Variants in DLG1 observed in about 807,000 individuals in gnomAD.
DLG1 encodes discs large MAGUK scaffold protein 1, also known as disks large homolog 1.
DLG1 carries 42 observed loss-of-function variants against 123.4 expected under a neutral mutation model. The ratio of observed to expected loss-of-function variants is 0.34; its 90% CI spans 0.27 to 0.44. DLG1 has a LOEUF of 0.44. Among genes scored for constraint, DLG1 ranks in the 20% least tolerant of loss-of-function variants. The pLI, the probability that DLG1 is intolerant of heterozygous loss-of-function variation, is 1.00. For missense variants in DLG1, 942 were observed against 1,082.6 expected, an observed-to-expected ratio of 0.87 and a Z score of 1.82; for synonymous variants, 317 against 356.2, an observed-to-expected ratio of 0.89 and a Z score of 1.24.
At chr3:197,191,335 T>C (rs922162687) in intron 5 of DLG1, among the ~76,000 whole-genome samples, 6 of 152,214 alleles carry the variant, frequency 3.9e-5, no homozygotes, top group African/African-American at 9.7e-5. Flanking sequence ...GTCTGGAACA[T>C]TGTTTTATCT....
intron 5 of DLG1, chr3:197,183,906 C>T (rs1714151770): frequency 6.8e-7 from 1 of 1,469,766 alleles, no homozygotes; most frequent in Non-Finnish European, 9.0e-7. Flanking sequence ...ATTACAGCAG[C>T]ATCACTTGTA....
At chr3:197,080,267 CTTTTTTT>C (rs767056279) in intron 17 of DLG1, among the ~76,000 whole-genome samples, 279 of 51,888 alleles carry the variant, frequency 5.4e-3, no homozygotes, top group South Asian at 0.02. Flanking sequence ...GATATATTTC[CTTTTTTT>C]TTTTTTTTTT....
intron 5 of DLG1, among the ~76,000 whole-genome samples, chr3:197,182,686 A>G (rs150036527): frequency 8.0e-6 from 1 of 124,930 alleles, no homozygotes; most frequent in African/African-American, 3.1e-5. Context: ...TCAGAGGACA[A>G]ATGCATTCTC....
intron 5 of DLG1, among the ~76,000 whole-genome samples, chr3:197,163,874 G>A (rs1431268829): frequency 1.3e-5 from 2 of 151,720 alleles, no homozygotes; most frequent in East Asian, 3.9e-4. Context: ...GAAGATGGAT[G>A]AGCCTTTAAA....
At chr3:197,169,499 C>A (rs1213374029) in intron 5 of DLG1, among the ~76,000 whole-genome samples, 2 of 152,110 alleles carry the variant, frequency 1.3e-5, no homozygotes, top group African/African-American at 2.4e-5. Flanking sequence ...TATTAACACT[C>A]ACAATAGCCA....
chr3:197,274,874 C>T (rs777602972), intron 4 of DLG1, among the ~76,000 whole-genome samples: 5 of 152,056 alleles, frequency 3.3e-5, no homozygotes, highest in East Asian at 1.9e-4. Flanking sequence ...ACTAATAATA[C>T]TCAGGGAAAT....
intron 23 of DLG1, among the ~76,000 whole-genome samples, chr3:197,058,109 G>A (rs1489551502): frequency 6.6e-6 from 1 of 151,864 alleles, no homozygotes; most frequent in Non-Finnish European, 1.5e-5. Flanking sequence ...ATCCCAAGTA[G>A]CTGAGACCAC....
intron 5 of DLG1, among the ~76,000 whole-genome samples, chr3:197,181,986 G>A (rs546645139): frequency 6.6e-6 from 1 of 152,222 alleles, no homozygotes; most frequent in South Asian, 2.1e-4. Context: ...CGGCTATAAC[G>A]TAACTCTGTG....
intron 3 of DLG1, among the ~76,000 whole-genome samples, chr3:197,291,173 A>G (rs1400621284): frequency 2.0e-5 from 3 of 152,118 alleles, no homozygotes; most frequent in Non-Finnish European, 4.4e-5. Flanking sequence ...AACTATGAGC[A>G]AAGAACTCAA....
At chr3:197,121,823 C>CAAAAAA (rs71161995) in intron 11 of DLG1, among the ~76,000 whole-genome samples, 26 of 101,890 alleles carry the variant, frequency 2.6e-4, no homozygotes, top group South Asian at 3.1e-4. Context: ...ACAATCACCA[C>CAAAAAA]AAAAAAAAAA....
chr3:197,168,097 C>T (rs149289046), intron 5 of DLG1, among the ~76,000 whole-genome samples: 2 of 152,308 alleles, frequency 1.3e-5, no homozygotes, highest in African/African-American at 4.8e-5. Context: ...ACCATGAATC[C>T]TTTAATGTTA....
chr3:197,130,153 G>A (rs1781769983), intron 11 of DLG1, among the ~76,000 whole-genome samples: 1 of 152,110 alleles, frequency 6.6e-6, no homozygotes, highest in African/African-American at 2.4e-5. Flanking sequence ...AATGAGGTAT[G>A]CCTGTACTTT....
chr3:197,160,743 T>G (rs1798459621), intron 5 of DLG1, among the ~76,000 whole-genome samples: 1 of 152,256 alleles, frequency 6.6e-6, no homozygotes, highest in Admixed American at 6.5e-5. Context: ...ATGTGAATAA[T>G]CACAGCTGAT....
chr3:197,155,330 C>T (rs548839583), intron 5 of DLG1, among the ~76,000 whole-genome samples: 15 of 152,178 alleles, frequency 9.9e-5, no homozygotes, highest in African/African-American at 3.6e-4. Flanking sequence ...AATCCTATAT[C>T]CAGCAAGACA....
rs961816868 is a variant in DLG1, at chr3:197,265,794, G to A, written c.318+16885C>T. On this transcript the variant is annotated intron_variant, in intron 4 of 24. Transcript: ENST00000667157. Reference sequence around the variant, plus strand: ...CAGCCAGGCGCGGTGGCTCACACCTGTAATCCCAGCACTCTGGGAGGCCAA... The same window carrying A: ...CAGCCAGGCGCGGTGGCTCACACCTATAATCCCAGCACTCTGGGAGGCCAA... Among the ~76,000 whole-genome samples, 14 of 152,338 alleles carry A rather than the reference G, an allele frequency of 9.2e-5. No homozygotes were observed. The East Asian group carries it at 2.5e-3, about 27-fold the overall frequency.
Position 197,044,701 on chromosome 3 carries a change from G to T in DLG1, c.2604C>A (p.Asp868Glu). ...TAIVQGDTLE[D>E]IYNQVKQIIE... ...TGATCTGTTTCACTTGGTTGTAAAT[G>T]TCTTCCAGCGTATCCCCCTGTACAA... is the stretch of plus-strand genomic sequence containing the variant. Residue 868 changes from aspartate to glutamate, a missense_variant, in exon 25 of 25, where the codon GAC (aspartate) becomes GAA (glutamate). Physicochemically the swap from Asp to Glu is conservative, Grantham distance 45. Coordinates refer to ENST00000667157, the MANE Select transcript of DLG1 (RefSeq NM_001366207.1). 6.2e-7 allele frequency: 1 copy of T among 1,606,516 alleles called. No individual in the cohort carries two copies. The highest frequency in any genetic ancestry group is 8.5e-7 in the Non-Finnish European group (1 of 1,175,288).
intron 4 of DLG1, among the ~76,000 whole-genome samples, chr3:197,211,931 T>C (rs1040485372): frequency 1.4e-5 from 2 of 146,474 alleles, no homozygotes; most frequent in African/African-American, 4.9e-5. Flanking sequence ...CACGATCATG[T>C]CTTTTGAGGG....
Position 197,279,662 on chromosome 3 carries a change from T to C in DLG1, c.318+3017A>G, listed in dbSNP as rs115907760. On this transcript the variant is annotated intron_variant, in intron 4 of 24. Coordinates refer to ENST00000667157, the MANE Select transcript of DLG1 (RefSeq NM_001366207.1). ...TGTTCATAATATATCTTTCAGGAGG[T>C]GTAGAAACCAGAGCTGCAAATAGCG... is the stretch of plus-strand genomic sequence containing the variant. Among the ~76,000 whole-genome samples, 458 of 152,280 alleles carry C rather than the reference T, an allele frequency of 3.0e-3. 3 individuals carry two copies. Among genetic ancestry groups the C allele is most frequent in the African/African-American group, 0.011 (447 of 41,562 alleles).
At chr3:197,046,705 A>G (rs1723371371) in intron 24 of DLG1, among the ~76,000 whole-genome samples, 1 of 152,130 alleles carries the variant, frequency 6.6e-6, no homozygotes, top group Non-Finnish European at 1.5e-5. Flanking sequence ...TCCTGTCTCT[A>G]CAAAAAATAC....
Sources: gnomAD v4.1 joint callset for allele counts (sites outside exome capture counted in the v4.1 genomes callset) on GRCh38, gnomAD v4.1.1 for gene constraint, MANE v1.5 for transcripts, NCBI Gene and HGNC (gene_info 2026-07-23, HGNC 2026-07-21) for gene names.